Variants in PDE11A observed in about 807,000 individuals in gnomAD.
PDE11A encodes dual 3',5'-cyclic-AMP and -GMP phosphodiesterase 11A.
In PDE11A, 100 loss-of-function variants were observed where a neutral mutation model predicts 100.5. The observed-to-expected ratio is 1.00, with a 90% CI of 0.85 to 1.18. The LOEUF is 1.18. Ranked by LOEUF, PDE11A falls within the 50% of genes most tolerant of loss-of-function variation. PDE11A has a pLI of 0.00. For synonymous variants in PDE11A, 381 were observed against 420.8 expected, an observed-to-expected ratio of 0.91 and a Z score of 1.16; for missense variants, 1,141 against 1,152.6, an observed-to-expected ratio of 0.99 and a Z score of 0.15.
Position 177,880,770 on chromosome 2 carries a change from T to A in PDE11A, c.1303-4847A>T, listed in dbSNP as rs185562978. On this transcript the variant is annotated intron_variant, in intron 4 of 19. Coordinates refer to ENST00000286063, the MANE Select transcript of PDE11A (RefSeq NM_016953.4). The stretch of plus-strand genomic sequence containing the variant: ...GAAGATACTAATCTTCATTAGTGTC[T>A]TTAGAAGAAAAATGAAGATACTGAT... Among the ~76,000 whole-genome samples the A allele has an allele frequency of 9.2e-5, 14 of 152,304 alleles. No homozygotes were observed. In the East Asian group the frequency reaches 2.7e-3, roughly 29 times the overall value.
intron 16 of PDE11A, 175 bp from the exon 17 acceptor site, chr2:177,675,693 T>C (rs534742566): frequency 1.4e-6 from 1 of 703,678 alleles, no homozygotes; most frequent in Non-Finnish European, 2.7e-6. Context: ...ATCTCCATCA[T>C]GTGGCCACGC....
intron 2 of PDE11A, among the ~76,000 whole-genome samples, chr2:177,956,982 C>CA (rs2085572280): frequency 6.6e-6 from 1 of 151,792 alleles, no homozygotes; most frequent in South Asian, 2.1e-4. Flanking sequence ...AGCACGCCAA[C>CA]ATGGCACATG....
At chr2:177,906,453 A>G (rs2105737222) in intron 2 of PDE11A, among the ~76,000 whole-genome samples, 1 of 152,340 alleles carries the variant, frequency 6.6e-6, no homozygotes, top group Admixed American at 6.5e-5. Flanking sequence ...TGAATTTCCT[A>G]TTAAAATCTT....
intron 2 of PDE11A, among the ~76,000 whole-genome samples, chr2:177,947,899 T>A (rs1018875968): frequency 2.8e-4 from 43 of 151,954 alleles, no homozygotes; most frequent in Non-Finnish European, 5.3e-4. Flanking sequence ...AGGAAGAAAG[T>A]TAAAGCCACC....
At chr2:177,760,971 A>G (rs923183051) in intron 10 of PDE11A, among the ~76,000 whole-genome samples, 2 of 152,252 alleles carry the variant, frequency 1.3e-5, no homozygotes, top group Non-Finnish European at 2.9e-5. Flanking sequence ...ATAGAACTAT[A>G]TAAAATAGTA....
chr2:177,871,027 C>T (rs1220820412), intron 5 of PDE11A, among the ~76,000 whole-genome samples: 1 of 152,130 alleles, frequency 6.6e-6, no homozygotes, highest in Non-Finnish European at 1.5e-5. Flanking sequence ...GGACAGGAGC[C>T]ATCAATACTC....
intron 2 of PDE11A, chr2:177,997,410 C>T: frequency 4.8e-6 from 4 of 826,742 alleles, no homozygotes; most frequent in Non-Finnish European, 8.6e-6. Flanking sequence ...CTCTTTTGCC[C>T]AATCTCAACC....
chr2:178,049,774 G>A (rs879323853), intron 1 of PDE11A, among the ~76,000 whole-genome samples: 16 of 152,134 alleles, frequency 1.1e-4, no homozygotes, highest in Non-Finnish European at 4.4e-5. Flanking sequence ...GTCTGAGATC[G>A]AACTGCAAGG....
At chr2:177,847,511 T>A (rs972655222) in intron 5 of PDE11A, among the ~76,000 whole-genome samples, 4 of 152,170 alleles carry the variant, frequency 2.6e-5, no homozygotes, top group East Asian at 3.8e-4. Flanking sequence ...CCAAAGCTTA[T>A]GGGTGCAAAT....
intron 10 of PDE11A, among the ~76,000 whole-genome samples, chr2:177,749,306 G>T (rs538641864): frequency 1.3e-5 from 2 of 152,150 alleles, no homozygotes; most frequent in African/African-American, 4.8e-5. Context: ...CAGACTGTTG[G>T]GATCAAGCAA....
intron 2 of PDE11A, among the ~76,000 whole-genome samples, chr2:177,991,483 A>G (rs907465265): frequency 2.0e-5 from 3 of 149,544 alleles, no homozygotes; most frequent in African/African-American, 7.4e-5. Flanking sequence ...AAAATACAAA[A>G]AATTAGCCAG....
At position 177,633,877 on chromosome 2, in the gene PDE11A, T is replaced by A. The variant is rs1013341297; in HGVS notation, c.2647-4315A>T. 5.9e-5 allele frequency among the ~76,000 whole-genome samples: 9 copies of A among 152,246 alleles called. 1 individual carries two copies. Among genetic ancestry groups the A allele is most frequent in the Non-Finnish European group, 1.0e-4 (7 of 68,036 alleles). On this transcript the variant is annotated intron_variant, in intron 19 of 19. Coordinates refer to ENST00000286063, the MANE Select transcript of PDE11A (RefSeq NM_016953.4). ...GCATTTCTCCAGAACTTATTTTTTT[T>A]AATCCCAGGAGCATAAATTAGAATT...
chr2:177,964,842 G>A (rs916834734), intron 2 of PDE11A, among the ~76,000 whole-genome samples: 1 of 152,188 alleles, frequency 6.6e-6, no homozygotes, highest in Non-Finnish European at 1.5e-5. Flanking sequence ...GCATGTATAT[G>A]TGTCTTTATG....
chr2:178,027,614 CG>C (rs2086493746), intron 1 of PDE11A, among the ~76,000 whole-genome samples: 1 of 152,062 alleles, frequency 6.6e-6, no homozygotes, highest in African/African-American at 2.4e-5. Context: ...CAAATGGCCC[CG>C]GCTGTTTTTT....
At chr2:177,949,247 C>T (rs904975322) in intron 2 of PDE11A, among the ~76,000 whole-genome samples, 59 of 151,656 alleles carry the variant, frequency 3.9e-4, no homozygotes, top group African/African-American at 1.3e-3. Context: ...ACAATCACTT[C>T]TATAAATACA....
rs118057981 is a variant in PDE11A, at chr2:177,818,637, G to T, written c.1577-712C>A. On this transcript the variant is annotated intron_variant, in intron 7 of 19. Transcript: ENST00000286063. ...GGAATTATTACAAGCAATAAAAGTT[G>T]ATATAATACAGTTAACCTTCAAAGC... 2.1e-3 allele frequency among the ~76,000 whole-genome samples: 324 copies of T among 152,206 alleles called. 7 individuals carry two copies. The East Asian group carries it at 0.027, about 13-fold the overall frequency.
At chr2:177,785,451 T>C (rs1379927250) in intron 9 of PDE11A, among the ~76,000 whole-genome samples, 1 of 152,224 alleles carries the variant, frequency 6.6e-6, no homozygotes, top group Non-Finnish European at 1.5e-5. Flanking sequence ...GCTCCCAGCA[T>C]GAGCGACGCA....
intron 5 of PDE11A, among the ~76,000 whole-genome samples, chr2:177,843,448 G>T (rs1321753874): frequency 6.6e-6 from 1 of 152,176 alleles, no homozygotes; most frequent in African/African-American, 2.4e-5. Context: ...TTTAGTCACA[G>T]GAACAGGGAG....
At chr2:177,868,346 A>G (rs992016866) in intron 5 of PDE11A, among the ~76,000 whole-genome samples, 3 of 152,192 alleles carry the variant, frequency 2.0e-5, no homozygotes, top group Admixed American at 1.3e-4. Flanking sequence ...TGGAAAAGCC[A>G]CAGGAAAAAC....
Sources: allele counts gnomAD v4.1 joint callset (sites outside exome capture counted in the v4.1 genomes callset), GRCh38; gene constraint gnomAD v4.1.1; transcripts MANE v1.5; gene names NCBI Gene and HGNC (gene_info 2026-07-23, HGNC 2026-07-21).